The following ATP8A2 variants were observed in gnomAD, a reference collection of about 807,000 sequenced individuals.
ATP8A2 encodes the protein ATPase phospholipid transporting 8A2.
A neutral mutation model predicts 165.6 loss-of-function variants in ATP8A2; 100 were observed. The ratio of observed to expected loss-of-function variants is 0.60; its 90% CI spans 0.51 to 0.71. The LOEUF (loss-of-function observed/expected upper bound fraction) is 0.71. Among genes scored for constraint, ATP8A2 ranks in the 30% least tolerant of loss-of-function variants. ATP8A2 has a pLI of 0.00. For synonymous variants in ATP8A2, 543 were observed against 548.8 expected, an observed-to-expected ratio of 0.99 and a Z score of 0.15; for missense variants, 1,227 against 1,479.5, an observed-to-expected ratio of 0.83 and a Z score of 2.80.
chr13:25,536,289 T>C (rs931406211), intron 6 of ATP8A2, among the ~76,000 whole-genome samples: 1 of 151,734 alleles, frequency 6.6e-6, no homozygotes, highest in Non-Finnish European at 1.5e-5. Context: ...TTTTTTTTTT[T>C]TTTTTTAGTG....
At chr13:25,801,246 C>G (rs1950615984) in intron 27 of ATP8A2, among the ~76,000 whole-genome samples, 1 of 152,146 alleles carries the variant, frequency 6.6e-6, no homozygotes, top group East Asian at 1.9e-4. Context: ...CTGCGGAGCC[C>G]AGGGCATCTC....
chr13:25,768,271 T>C (rs923418513), intron 25 of ATP8A2, among the ~76,000 whole-genome samples: 2 of 152,180 alleles, frequency 1.3e-5, no homozygotes, highest in Non-Finnish European at 2.9e-5. Flanking sequence ...AATACCCCTC[T>C]GCTTTAGACC....
intron 25 of ATP8A2, among the ~76,000 whole-genome samples, chr13:25,699,579 C>T (rs2042908872): frequency 6.6e-6 from 1 of 152,150 alleles, no homozygotes; most frequent in Non-Finnish European, 1.5e-5. Context: ...AGAGTAAGAA[C>T]CAGGGCTTCC....
chr13:25,768,717 C>G (rs547714976), intron 25 of ATP8A2, among the ~76,000 whole-genome samples: 2 of 152,126 alleles, frequency 1.3e-5, no homozygotes, highest in Non-Finnish European at 2.9e-5. Flanking sequence ...TCCGAAGACC[C>G]CTGTAACTAG....
At chr13:26,013,791 T>C (rs189455406) in intron 36 of ATP8A2, among the ~76,000 whole-genome samples, 10 of 152,096 alleles carry the variant, frequency 6.6e-5, no homozygotes, top group Admixed American at 6.5e-5. Flanking sequence ...TGTCAACAGG[T>C]ATTTGCAGAC....
intron 1 of ATP8A2, among the ~76,000 whole-genome samples, chr13:25,390,648 G>A (rs776678861): frequency 1.3e-5 from 2 of 152,050 alleles, no homozygotes; most frequent in Admixed American, 1.3e-4. Context: ...AGATTCATCC[G>A]GCCAGGTGCA....
At position 25,531,933 on chromosome 13, in the gene ATP8A2, A is replaced by G. The variant is rs573185323; in HGVS notation, c.421-339A>G. ...GATAAGGGATCTTCAACCTGTACAC[A>G]TCGAAGCAAAGTTACTTTATCAATA... On this transcript the variant is annotated intron_variant, in intron 4 of 36. Coordinates refer to ENST00000381655, the MANE Select transcript of ATP8A2 (RefSeq NM_016529.6). Among the ~76,000 whole-genome samples the G allele has an allele frequency of 2.0e-5, 3 of 152,304 alleles. No individual in the cohort carries two copies. In the East Asian group the frequency reaches 5.8e-4, roughly 29 times the overall value.
In ATP8A2 at chr13:26,012,606, G is replaced by A. The variant is rs1305817975; in HGVS notation, c.3453G>A (p.Leu1151=). 1 of 1,499,450 alleles carries A rather than the reference G, an allele frequency of 6.7e-7. No individual in the cohort carries two copies. Among genetic ancestry groups the A allele is most frequent in the South Asian group, 1.3e-5 (1 of 76,890 alleles). The allele number at this position is 1,499,450 out of a possible 1,614,324, so 92.9% of individuals were successfully genotyped here. The change falls in exon 36 of 37, where the codon CTG becomes CTA. Residue 1151 remains leucine, a synonymous_variant. Transcript: ENST00000381655. ...CGACGCTGTTCCGGGGCAGCTCCCT[G>A]CAGCAGGGCGTCCCGCGTGAGTACC... ...TPPTLFRGSS[L]QQGVPHGYAF...
chr13:25,977,026 T>TCCCCCCCCACCCCCATCC (rs1566319946), intron 35 of ATP8A2, among the ~76,000 whole-genome samples: 1 of 125,370 alleles, frequency 8.0e-6, no homozygotes, highest in African/African-American at 3.2e-5. Flanking sequence ...GACCTTGTGA[T>TCCCCCCCCACCCCCATCC]CCACCCCCAC....
intron 15 of ATP8A2, among the ~76,000 whole-genome samples, chr13:25,563,273 A>G (rs2039214346): frequency 6.6e-6 from 1 of 152,062 alleles, no homozygotes; most frequent in Non-Finnish European, 1.5e-5. Flanking sequence ...GCCAGGTGTG[A>G]TGGTGGCCAT....
chr13:25,830,210 G>A (rs74443881), intron 28 of ATP8A2, among the ~76,000 whole-genome samples: 1,800 of 151,880 alleles, frequency 0.012, 41 homozygotes, highest in African/African-American at 0.039. Flanking sequence ...ATGGGGTCTC[G>A]CCATGTTGCC....
At chr13:25,511,890 CT>C (rs34703609) in intron 2 of ATP8A2, among the ~76,000 whole-genome samples, 2,097 of 140,534 alleles carry the variant, frequency 0.015, 34 homozygotes, top group African/African-American at 0.045. Context: ...CTGTGGAACT[CT>C]TTTTTTTTTT....
intron 17 of ATP8A2, 116 bp from the exon 18 acceptor site, chr13:25,571,494 A>G (rs2039466701): frequency 1.4e-6 from 1 of 705,192 alleles, no homozygotes; most frequent in Non-Finnish European, 2.5e-6. Flanking sequence ...ACTATTATGC[A>G]GATAACACCA....
At chr13:25,687,517 C>T (rs2042627663) in intron 24 of ATP8A2, among the ~76,000 whole-genome samples, 1 of 152,154 alleles carries the variant, frequency 6.6e-6, no homozygotes, top group African/African-American at 2.4e-5. Context: ...GCAGGCCTTC[C>T]CACTGCCATC....
intron 25 of ATP8A2, among the ~76,000 whole-genome samples, chr13:25,699,817 T>G (rs944503128): frequency 1.3e-5 from 2 of 152,096 alleles, no homozygotes; most frequent in Non-Finnish European, 2.9e-5. Flanking sequence ...CAGAAATCTT[T>G]GTAGGTTCTT....
intron 27 of ATP8A2, among the ~76,000 whole-genome samples, chr13:25,802,328 T>C (rs1950638929): frequency 6.6e-6 from 1 of 152,094 alleles, no homozygotes; most frequent in Non-Finnish European, 1.5e-5. Flanking sequence ...AGCAGCTACA[T>C]TCCCTGTCTT....
intron 36 of ATP8A2, among the ~76,000 whole-genome samples, chr13:26,018,549 A>G (rs1418329525): frequency 6.6e-6 from 1 of 152,042 alleles, no homozygotes. Flanking sequence ...AGGTTTTTTT[A>G]TTGTGTTGTC....
chr13:25,959,934 C>T lies in ATP8A2; in HGVS notation c.3184-1641C>T, dbSNP rs111300142. Among the ~76,000 whole-genome samples, 526 of 152,292 alleles carry T rather than the reference C, an allele frequency of 3.5e-3. 3 individuals carry two copies. The highest frequency in any genetic ancestry group is 0.012 in the African/African-American group (481 of 41,560). On this transcript the variant is annotated intron_variant, in intron 33 of 36. Transcript: ENST00000381655. ...CTCACACATTTTTAAGGGTTGTAAACTTTTCGGTCAAAAGCTGGTACTCTT... is the reference window on the plus strand; with the variant it reads ...CTCACACATTTTTAAGGGTTGTAAATTTTTCGGTCAAAAGCTGGTACTCTT...
intron 27 of ATP8A2, among the ~76,000 whole-genome samples, chr13:25,808,053 A>C (rs1950780652): frequency 6.6e-6 from 1 of 151,556 alleles, no homozygotes; most frequent in Non-Finnish European, 1.5e-5. Flanking sequence ...TGCCTATTTA[A>C]AGACAAGAAA....
Sources: allele counts gnomAD v4.1 joint callset (sites outside exome capture counted in the v4.1 genomes callset), GRCh38; gene constraint gnomAD v4.1.1; transcripts MANE v1.5; gene names NCBI Gene and HGNC (gene_info 2026-07-23, HGNC 2026-07-21).